JAKMIP3: variants seen among roughly 807,000 people sequenced by gnomAD.
The protein encoded by JAKMIP3 is janus kinase and microtubule-interacting protein 3.
In JAKMIP3, 58 loss-of-function variants were observed where a neutral mutation model predicts 118.5. The observed-to-expected ratio is 0.49, with a 90% CI of 0.40 to 0.61. JAKMIP3 has a LOEUF of 0.61. JAKMIP3 is among the 20% of genes least tolerant of loss of function. The pLI is 0.00. For missense variants in JAKMIP3, 950 were observed against 1,109.0 expected, an observed-to-expected ratio of 0.86 and a Z score of 2.04; for synonymous variants, 486 against 451.2, an observed-to-expected ratio of 1.08 and a Z score of -0.98.
At chr10:132,159,630 TTTGTG>T (rs2057691832) in intron 19 of JAKMIP3, among the ~76,000 whole-genome samples, 1 of 78,136 alleles carries the variant, frequency 1.3e-5, no homozygotes, top group African/African-American at 5.0e-5. Flanking sequence ...GTCCTCTTCC[TTTGTG>T]ATGCTGGGGG....
rs556750930 is a variant in JAKMIP3 at position 132,110,827 on chromosome 10, C to T, written c.135+5884C>T. Among the ~76,000 whole-genome samples, 15 of 152,362 alleles carry T rather than the reference C, an allele frequency of 9.8e-5. No homozygotes were observed. The East Asian group carries it at 1.3e-3, about 14-fold the overall frequency. ...TCACAGGGAGGGCTCTCGAGGGAAC[C>T]GCAGGGGCGTGAACTCGGCCTTGTC... On this transcript the variant is annotated intron_variant, in intron 2 of 23. Coordinates refer to ENST00000684848, the MANE Select transcript of JAKMIP3 (RefSeq NM_001323087.2).
Position 132,184,204 on chromosome 10 carries a change from C to T in JAKMIP3, c.*2951C>T, listed in dbSNP as rs1054532293. On this transcript the variant is annotated 3_prime_UTR_variant, in exon 24 of 24. Coordinates refer to ENST00000684848, the MANE Select transcript of JAKMIP3 (RefSeq NM_001323087.2). ...CACCAGTGTGTTGTTTACCTTGTGC[C>T]CATGGTCCAGATTTTGAGCTGGAGA... The T allele has an allele frequency of 2.0e-5, 3 of 152,204 alleles. No individual in the cohort carries two copies. Among genetic ancestry groups the T allele is most frequent in the South Asian group, 2.1e-4 (1 of 4,834 alleles). 9.4% of individuals were successfully genotyped at this position (152,204 alleles called of 1,614,324 possible).
intron 1 of JAKMIP3, among the ~76,000 whole-genome samples, chr10:132,042,205 T>TCCTC (rs1290913825): frequency 8.0e-5 from 12 of 149,688 alleles, no homozygotes; most frequent in African/African-American, 2.7e-4. Flanking sequence ...CTTCCTTCCT[T>TCCTC]CCTTCCTTCC....
chr10:132,041,028 G>A (rs774278555), intron 1 of JAKMIP3, among the ~76,000 whole-genome samples: 5 of 152,156 alleles, frequency 3.3e-5, no homozygotes, highest in Non-Finnish European at 7.4e-5. Flanking sequence ...TCTCGCGGCT[G>A]AGCGGCATTC....
In JAKMIP3 at chr10:132,127,617, A is replaced by T. The variant is rs375479722; in HGVS notation, c.634-5695A>T. Among the ~76,000 whole-genome samples, 45 of 152,098 alleles carry T rather than the reference A, an allele frequency of 3.0e-4. No homozygotes were observed. The South Asian group carries it at 8.7e-3, about 30-fold the overall frequency. On this transcript the variant is annotated intron_variant, in intron 3 of 23. Transcript: ENST00000684848. ...TTCACTGTCTCCTGTTTCATTGCTG[A>T]TGCTGAGAATTTGTGTTCTTCTCTC...
intron 1 of JAKMIP3, among the ~76,000 whole-genome samples, chr10:132,069,921 C>T (rs746843200): frequency 4.6e-5 from 7 of 152,178 alleles, no homozygotes; most frequent in African/African-American, 1.4e-4. Context: ...GGAGCACAGA[C>T]GGGGCTCGGT....
In JAKMIP3 at chr10:132,117,921, C is replaced by T. The variant is rs962843739; in HGVS notation, c.633+347C>T. Among the ~76,000 whole-genome samples, 4 of 152,200 alleles carry T rather than the reference C, an allele frequency of 2.6e-5. No homozygotes were observed. The highest frequency in any genetic ancestry group is 5.9e-5 in the Non-Finnish European group (4 of 68,034). The stretch of plus-strand genomic sequence containing the variant: ...AAATCGGCACTGCCCATCCACACCG[C>T]AGGGTTCACGGACATCTCTTCTTAG... On this transcript the variant is annotated intron_variant, in intron 3 of 23. Coordinates refer to ENST00000684848, the MANE Select transcript of JAKMIP3 (RefSeq NM_001323087.2). The surrounding 1 kb of genome is among the most constrained non-coding windows in gnomAD (Gnocchi z 8.6).
At chr10:132,180,758 T>C (rs879220842) in intron 23 of JAKMIP3, among the ~76,000 whole-genome samples, 3,442 of 18,012 alleles carry the variant, frequency 0.19, 1,049 homozygotes, top group East Asian at 0.35. Flanking sequence ...CGCGCGTGTG[T>C]GCGTGTGTGT....
At chr10:132,131,427 A>C in intron 3 of JAKMIP3, among the ~76,000 whole-genome samples, 1 of 140,416 alleles carries the variant, frequency 7.1e-6, no homozygotes, top group East Asian at 2.3e-4. Flanking sequence ...GGGTGAGGGT[A>C]TGGGGGCCTG....
chr10:132,180,758 T>TGTGCGCGTGTGTGC (rs1334620400), intron 23 of JAKMIP3, among the ~76,000 whole-genome samples: 1 of 18,060 alleles, frequency 5.5e-5, no homozygotes, highest in African/African-American at 2.3e-4. Context: ...CGCGCGTGTG[T>TGTGCGCGTGTGTGC]GCGTGTGTGT....
chr10:132,176,938 T>C (rs1025577573), intron 23 of JAKMIP3, among the ~76,000 whole-genome samples: 2 of 152,144 alleles, frequency 1.3e-5, no homozygotes, highest in Admixed American at 6.5e-5. Context: ...CTGGTTCCTA[T>C]TGGCTTTGGA....
chr10:132,123,677 G>A (rs983580435), intron 3 of JAKMIP3, among the ~76,000 whole-genome samples: 1 of 152,200 alleles, frequency 6.6e-6, no homozygotes, highest in African/African-American at 2.4e-5. Context: ...CTGGGCATGA[G>A]TGTGTCTTCA....
chr10:132,080,173 A>C (rs563678027), intron 1 of JAKMIP3, among the ~76,000 whole-genome samples: 40 of 152,258 alleles, frequency 2.6e-4, no homozygotes, highest in African/African-American at 9.6e-4. Flanking sequence ...GTGAGACCCC[A>C]CTCAAAAAGA....
At chr10:132,064,783 C>T (rs999382692), upstream of JAKMIP3, among the ~76,000 whole-genome samples, 1 of 152,182 alleles carries the variant, frequency 6.6e-6, no homozygotes, top group African/African-American at 2.4e-5. This position sits in a 1 kb window ranked among gnomAD's most constrained non-coding sequence, Gnocchi z 4.4. Context: ...TCTAGACAGA[C>T]AGCAGAAGTA....
intron 1 of JAKMIP3, among the ~76,000 whole-genome samples, chr10:132,074,503 ATATC>A (rs369749588): frequency 7.2e-5 from 11 of 152,198 alleles, no homozygotes; most frequent in African/African-American, 2.6e-4. Flanking sequence ...TAATGTGTTT[ATATC>A]TATCCTTTGC....
chr10:132,148,468 CCGCCCG>C (rs2055119099), intron 14 of JAKMIP3, among the ~76,000 whole-genome samples: 1 of 96,146 alleles, frequency 1.0e-5, no homozygotes, highest in African/African-American at 3.2e-5. Flanking sequence ...CGTCCTCCAT[CCGCCCG>C]TCCTCCATCC....
chr10:132,137,384 C>G, intron 8 of JAKMIP3, 95 bp downstream of exon 8: 1 of 1,472,508 alleles, frequency 6.8e-7, no homozygotes, highest in Non-Finnish European at 9.4e-7. Flanking sequence ...ACAGACCAGA[C>G]AGAAGCGGCC....
At chr10:132,119,306 T>G (rs1007426710) in intron 3 of JAKMIP3, among the ~76,000 whole-genome samples, 5 of 152,232 alleles carry the variant, frequency 3.3e-5, no homozygotes, top group African/African-American at 1.2e-4. Context: ...TGTTATGATC[T>G]AAGGTCTTAA....
intron 1 of JAKMIP3, among the ~76,000 whole-genome samples, chr10:132,078,775 C>T (rs1035142289): frequency 2.0e-5 from 3 of 152,002 alleles, no homozygotes; most frequent in African/African-American, 4.8e-5. Flanking sequence ...AGCTTTCCCC[C>T]CAGGCCCGTT....
Sources: allele counts gnomAD v4.1 joint callset (sites outside exome capture counted in the v4.1 genomes callset), GRCh38; gene constraint gnomAD v4.1.1; non-coding constraint Gnocchi (gnomAD v3.1); transcripts MANE v1.5; gene names NCBI Gene and HGNC (gene_info 2026-07-23, HGNC 2026-07-21).